Variants in FGFR2 observed in about 807,000 individuals in gnomAD.
FGFR2 encodes the protein fibroblast growth factor receptor 2, also known as BEK fibroblast growth factor receptor.
FGFR2 carries 19 observed loss-of-function variants against 95.9 expected under a neutral mutation model. That is an observed-to-expected ratio of 0.20 (90% confidence interval 0.14 to 0.29). The LOEUF is 0.29. FGFR2 is among the 10% of genes least tolerant of loss of function. The probability of loss-of-function intolerance (pLI) is 1.00; values close to 1 mark genes in which losing one functional copy is unlikely to be tolerated. For missense variants in FGFR2, 707 were observed against 1,056.9 expected (o/e 0.67, Z 4.59); for synonymous variants, 392 against 393.3 (o/e 1.00, Z 0.04).
chr10:121,556,385 G>A (rs1349815908), intron 4 of FGFR2, among the ~76,000 whole-genome samples: 1 of 129,804 alleles, frequency 7.7e-6, no homozygotes, highest in Non-Finnish European at 1.5e-5. Context: ...GACACCTAAG[G>A]TTTATAATCT....
rs765601298 is a variant in FGFR2 at position 121,538,013 on chromosome 10, C to CA, written c.748+578dup. On this transcript the variant is annotated intron_variant, in intron 6 of 17. Coordinates refer to ENST00000358487, the MANE Select transcript of FGFR2 (RefSeq NM_000141.5). Reference sequence around the variant, plus strand: ...TGGCCTACTTATCTGTGCACTCTGACAAAAATGTATTTATAAGCTCATATA... The same window carrying CA: ...TGGCCTACTTATCTGTGCACTCTGACAAAAAATGTATTTATAAGCTCATATA... 1.0e-4 allele frequency: 26 copies of CA among 251,972 alleles called. 1 individual carries two copies. The highest frequency in any genetic ancestry group is 1.5e-4 in the Non-Finnish European group (20 of 131,540). The allele number at this position is 251,972 out of a possible 1,614,324, so 15.6% of individuals were successfully genotyped here. A position where few individuals can be genotyped will look rare whatever the true frequency, so the allele number is the denominator to read the frequency against.
At chr10:121,487,897 T>TTGA in intron 14 of FGFR2, 94 bp downstream of exon 14, 1 of 1,525,974 alleles carries the variant, frequency 6.6e-7, no homozygotes, top group Non-Finnish European at 9.1e-7. Context: ...TCCCCAGCCA[T>TTGA]CCCACCCAGC....
Position 121,485,252 on chromosome 10 carries a change from G to T in FGFR2, c.2195+143C>A. The T allele has an allele frequency of 9.1e-7, 1 of 1,095,052 alleles. No homozygotes were observed. Among genetic ancestry groups the T allele is most frequent in the Non-Finnish European group, 1.4e-6 (1 of 715,882 alleles). 67.8% of individuals were successfully genotyped at this position (1,095,052 alleles called of 1,614,324 possible). On this transcript the variant is annotated intron_variant, in intron 16 of 17. Transcript: ENST00000358487. The surrounding 1 kb of genome is among the most constrained non-coding windows in gnomAD (Gnocchi z 4.2). ...CGGTGTCGCTATGTATCCCAGCTCTGGATTGAGCCCAGAGAGCTTCAGCCA... is the reference window on the plus strand; with the variant it reads ...CGGTGTCGCTATGTATCCCAGCTCTTGATTGAGCCCAGAGAGCTTCAGCCA...
chr10:121,591,414 G>T (rs921638470), intron 2 of FGFR2, among the ~76,000 whole-genome samples: 1 of 152,230 alleles, frequency 6.6e-6, no homozygotes, highest in African/African-American at 2.4e-5. Context: ...CATGCACCCG[G>T]TGCTTACTGG....
chr10:121,564,037 G>C (rs1857325363), intron 4 of FGFR2, among the ~76,000 whole-genome samples: 1 of 152,164 alleles, frequency 6.6e-6, no homozygotes, highest in Non-Finnish European at 1.5e-5. Context: ...CCCCTCCCCA[G>C]CTAAAGGCCA....
chr10:121,504,732 C>T (rs1353392290), intron 9 of FGFR2, among the ~76,000 whole-genome samples: 1 of 152,202 alleles, frequency 6.6e-6, no homozygotes, highest in Non-Finnish European at 1.5e-5. Context: ...ACACAGGGCT[C>T]CACCGAGTTA....
chr10:121,565,016 A>G (rs960450932), intron 3 of FGFR2, among the ~76,000 whole-genome samples: 1 of 152,108 alleles, frequency 6.6e-6, no homozygotes, highest in Non-Finnish European at 1.5e-5. Flanking sequence ...AACATTCTGA[A>G]AGCAGAACTT....
chr10:121,480,117 A>G (rs1564844046), intron 17 of FGFR2, 96 bp from the exon 18 acceptor site: 2 of 1,238,844 alleles, frequency 1.6e-6, no homozygotes, highest in East Asian at 4.6e-5. Flanking sequence ...AGTATTCCTG[A>G]AAGAAGGGAA....
intron 3 of FGFR2, 109 bp downstream of exon 3, chr10:121,565,329 G>C: frequency 7.1e-7 from 1 of 1,410,102 alleles, no homozygotes; most frequent in Non-Finnish European, 9.9e-7. Flanking sequence ...CTATGAAGCT[G>C]TATGCCTGGC....
intron 1 of FGFR2, among the ~76,000 whole-genome samples, chr10:121,596,997 T>C (rs1471814602): frequency 6.6e-6 from 1 of 152,186 alleles, no homozygotes; most frequent in Non-Finnish European, 1.5e-5. Context: ...TAAATGTTGA[T>C]AGCGTTTCAC....
intron 6 of FGFR2, chr10:121,538,316 C>T: frequency 1.3e-6 from 1 of 778,294 alleles, no homozygotes; most frequent in Non-Finnish European, 2.4e-6. Context: ...GTAATCTCAG[C>T]TTCCAAAATG....
At chr10:121,528,297 C>T (rs927689697) in intron 6 of FGFR2, among the ~76,000 whole-genome samples, 22 of 152,122 alleles carry the variant, frequency 1.4e-4, no homozygotes, top group Admixed American at 6.5e-4. Flanking sequence ...CAAAGCTTGT[C>T]GCTGTAGGGT....
In FGFR2 at chr10:121,485,550, A is replaced by G. The variant is rs1315872426; in HGVS notation, c.2058-18T>C. The G allele has an allele frequency of 3.7e-6, 6 of 1,614,112 alleles. No individual in the cohort carries two copies. Among genetic ancestry groups the G allele is most frequent in the Non-Finnish European group, 5.1e-6 (6 of 1,180,008 alleles). ...AGGACCAGCTGCAACAAAAGGAGAA[A>G]GCACGGCATTACTAACCCATCCACG... On this transcript the variant is annotated intron_variant, in intron 15 of 17. Transcript: ENST00000358487. This position sits in a 1 kb window ranked among gnomAD's most constrained non-coding sequence, Gnocchi z 4.2.
intron 2 of FGFR2, 163 bp from the exon 3 acceptor site, chr10:121,565,867 C>T (rs1380382253): frequency 3.8e-6 from 3 of 794,216 alleles, no homozygotes; most frequent in African/African-American, 3.4e-5. Flanking sequence ...CCCAGGAAGT[C>T]AGGAAGTATC....
chr10:121,556,213 A>G (rs1480381332), intron 4 of FGFR2, among the ~76,000 whole-genome samples: 2 of 152,164 alleles, frequency 1.3e-5, no homozygotes, highest in African/African-American at 2.4e-5. Flanking sequence ...GGTCCCCGCC[A>G]GTTCGAACAT....
chr10:121,583,997 G>A (rs1187498149), intron 2 of FGFR2, among the ~76,000 whole-genome samples: 1 of 151,964 alleles, frequency 6.6e-6, no homozygotes, highest in Non-Finnish European at 1.5e-5. Flanking sequence ...ACCATGACAG[G>A]CACTCAATAA....
rs1297909005 is a variant in FGFR2, at chr10:121,575,987, A to G, written c.110-10283T>C. ...GATCACCTGAGGTCAGGAGAGTTCA[A>G]GACCAGCCTGACCAACATGGAGAAA... On this transcript the variant is annotated intron_variant, in intron 2 of 17. Transcript: ENST00000358487. 2.6e-5 allele frequency among the ~76,000 whole-genome samples: 4 copies of G among 152,142 alleles called. No homozygotes were observed. The East Asian group carries it at 7.8e-4, about 29-fold the overall frequency.
chr10:121,500,971 G>T, intron 10 of FGFR2, 24 bp from the exon 11 acceptor site: 6 of 1,613,030 alleles, frequency 3.7e-6, no homozygotes, highest in Non-Finnish European at 5.1e-6. Context: ...TAGGGGATTA[G>T]CACATAGCAT....
At chr10:121,480,204 G>T in intron 17 of FGFR2, 183 bp from the exon 18 acceptor site, 1 of 765,008 alleles carries the variant, frequency 1.3e-6, no homozygotes, top group Non-Finnish European at 2.3e-6. Context: ...ACCCCTAGAA[G>T]GTGAACAGAG....
Sources: gnomAD v4.1 joint callset for allele counts (sites outside exome capture counted in the v4.1 genomes callset) on GRCh38, gnomAD v4.1.1 for gene constraint, Gnocchi (gnomAD v3.1) non-coding constraint, MANE v1.5 for transcripts, NCBI Gene and HGNC (gene_info 2026-07-23, HGNC 2026-07-21) for gene names.